Variants in LEF1 observed in about 807,000 individuals in gnomAD.
LEF1 encodes the protein lymphoid enhancer-binding factor 1.
In LEF1, 14 loss-of-function variants were observed where a neutral mutation model predicts 51.2. That is an observed-to-expected ratio of 0.27 (90% confidence interval 0.18 to 0.43). The LOEUF (loss-of-function observed/expected upper bound fraction) is 0.43, where lower values mean the gene tolerates loss of function less well. Among genes scored for constraint, LEF1 ranks in the 20% least tolerant of loss-of-function variants. The probability of loss-of-function intolerance (pLI) is 1.00; values close to 1 mark genes in which losing one functional copy is unlikely to be tolerated. For missense variants in LEF1, 386 were observed against 512.0 expected (o/e 0.75, Z 2.37); for synonymous variants, 185 against 183.2 (o/e 1.01, Z -0.08).
chr4:108,052,156 G>T (rs1291492), intron 11 of LEF1, among the ~76,000 whole-genome samples: 17,677 of 152,178 alleles, frequency 0.12, 1,349 homozygotes, highest in Non-Finnish European at 0.16. Context: ...CCCTGTCAGG[G>T]TGCCACTCAG....
At chr4:108,147,463 C>A (rs181613167) in intron 3 of LEF1, among the ~76,000 whole-genome samples, 1 of 152,032 alleles carries the variant, frequency 6.6e-6, no homozygotes, top group Non-Finnish European at 1.5e-5. Flanking sequence ...TCTGTTTTTT[C>A]CTTATACCCA....
chr4:108,143,740 C>T (rs1340564402), intron 3 of LEF1, among the ~76,000 whole-genome samples: 1 of 152,148 alleles, frequency 6.6e-6, no homozygotes, highest in African/African-American at 2.4e-5. Context: ...TGAGAGAACA[C>T]AGCACCACTT....
At chr4:108,093,998 G>A (rs545999498) in intron 3 of LEF1, among the ~76,000 whole-genome samples, 4 of 152,304 alleles carry the variant, frequency 2.6e-5, no homozygotes, top group African/African-American at 9.6e-5. Flanking sequence ...AAACAGGCAT[G>A]GAGAAGAAAA....
intron 3 of LEF1, among the ~76,000 whole-genome samples, chr4:108,149,458 C>CAAAAAAAAAAAAAAAAAAAAAAAA (rs371482539): frequency 6.6e-5 from 4 of 60,576 alleles, no homozygotes; most frequent in African/African-American, 2.2e-4. Context: ...GACTCCGTCT[C>CAAAAAAAAAAAAAAAAAAAAAAAA]AAAAAAAAAA....
In LEF1 at chr4:108,165,183, C is replaced by A; in HGVS notation, c.214-20G>T. 1 of 1,611,528 alleles carries A rather than the reference C, an allele frequency of 6.2e-7. No individual in the cohort carries two copies. Among genetic ancestry groups the A allele is most frequent in the Non-Finnish European group, 8.5e-7 (1 of 1,177,650 alleles). On this transcript the variant is annotated intron_variant, in intron 1 of 11. Transcript: ENST00000265165. ...GGCCACCTAACATCATGAATCCCCA[C>A]ACCCAAAAGAAAGAAAATCACCTTA...
intron 3 of LEF1, among the ~76,000 whole-genome samples, chr4:108,157,199 C>T (rs1476776374): frequency 1.3e-5 from 2 of 150,290 alleles, no homozygotes; most frequent in African/African-American, 2.5e-5. Context: ...CACACACACA[C>T]ACACACACAC....
At chr4:108,154,330 T>A (rs1744546966) in intron 3 of LEF1, among the ~76,000 whole-genome samples, 1 of 151,458 alleles carries the variant, frequency 6.6e-6, no homozygotes, top group Admixed American at 6.6e-5. Flanking sequence ...TGACGATGGA[T>A]CCTTGTCTTT....
chr4:108,119,311 T>C (rs1185844874), intron 3 of LEF1, among the ~76,000 whole-genome samples: 1 of 151,792 alleles, frequency 6.6e-6, no homozygotes, highest in African/African-American at 2.4e-5. Context: ...ATAGATAATT[T>C]CTATTCCTGA....
intron 11 of LEF1, among the ~76,000 whole-genome samples, chr4:108,049,573 G>A (rs927435803): frequency 7.9e-5 from 12 of 152,290 alleles, no homozygotes; most frequent in South Asian, 2.1e-4. Flanking sequence ...ACCTGCTTCC[G>A]CTGCTTTGAA....
intron 3 of LEF1, among the ~76,000 whole-genome samples, chr4:108,100,831 C>T (rs1740773859): frequency 6.6e-6 from 1 of 152,222 alleles, no homozygotes; most frequent in South Asian, 2.1e-4. Context: ...AACACTGAAT[C>T]CCTTCCTAAA....
At chr4:108,156,277 C>T (rs1284505324) in intron 3 of LEF1, among the ~76,000 whole-genome samples, 1 of 152,134 alleles carries the variant, frequency 6.6e-6, no homozygotes, top group Non-Finnish European at 1.5e-5. Context: ...AGTGCACTCC[C>T]CCGGCTGACT....
At chr4:108,125,558 T>C (rs916730302) in intron 3 of LEF1, among the ~76,000 whole-genome samples, 1 of 152,186 alleles carries the variant, frequency 6.6e-6, no homozygotes, top group Non-Finnish European at 1.5e-5. Context: ...ACAGGTAAAA[T>C]ATCTAGTGTT....
intron 3 of LEF1, among the ~76,000 whole-genome samples, chr4:108,158,833 A>T (rs1426086178): frequency 6.6e-6 from 1 of 152,156 alleles, no homozygotes; most frequent in Non-Finnish European, 1.5e-5. Context: ...TGCTCTGTTA[A>T]ATCACATAAG....
At chr4:108,143,406 C>T (rs1419604324) in intron 3 of LEF1, among the ~76,000 whole-genome samples, 1 of 152,260 alleles carries the variant, frequency 6.6e-6, no homozygotes, top group Non-Finnish European at 1.5e-5. Flanking sequence ...TTACCATTTT[C>T]GGAAAATGCC....
At chr4:108,069,894 G>A (rs1321315040) in intron 9 of LEF1, among the ~76,000 whole-genome samples, 1 of 150,864 alleles carries the variant, frequency 6.6e-6, no homozygotes, top group Non-Finnish European at 1.5e-5. Context: ...GGAGGCAGAG[G>A]TTGCAGTGAG....
intron 11 of LEF1, among the ~76,000 whole-genome samples, chr4:108,049,857 C>T (rs1279869656): frequency 6.6e-6 from 1 of 152,166 alleles, no homozygotes; most frequent in East Asian, 1.9e-4. Flanking sequence ...AGTTACAGTC[C>T]ACAGAGTACT....
chr4:108,102,252 G>A (rs1011968275), intron 3 of LEF1, among the ~76,000 whole-genome samples: 3 of 152,142 alleles, frequency 2.0e-5, no homozygotes, highest in Non-Finnish European at 4.4e-5. Context: ...TTAAGACACA[G>A]AGCAGGAGCA....
chr4:108,125,459 G>A (rs960784473), intron 3 of LEF1, among the ~76,000 whole-genome samples: 2 of 152,018 alleles, frequency 1.3e-5, no homozygotes, highest in South Asian at 2.1e-4. Flanking sequence ...CACCATACCC[G>A]GCCGTATCAA....
intron 9 of LEF1, among the ~76,000 whole-genome samples, chr4:108,069,665 A>G (rs1738321592): frequency 6.6e-6 from 1 of 152,232 alleles, no homozygotes; most frequent in African/African-American, 2.4e-5. Flanking sequence ...ATGTATGAAG[A>G]AATTTAAAAT....
Sources: allele counts gnomAD v4.1 joint callset (sites outside exome capture counted in the v4.1 genomes callset), GRCh38; gene constraint gnomAD v4.1.1; transcripts MANE v1.5; gene names NCBI Gene and HGNC (gene_info 2026-07-23, HGNC 2026-07-21).